Variants in TRIM38 observed in about 807,000 individuals in gnomAD.
TRIM38 encodes tripartite motif containing 38, also known as E3 ubiquitin-protein ligase TRIM38.
Under a neutral mutation model 35.8 loss-of-function variants are expected in TRIM38, and 35 were observed. The ratio of observed to expected loss-of-function variants is 0.98; its 90% CI spans 0.75 to 1.30. The LOEUF is 1.30. TRIM38 is among the 50% of genes most tolerant of loss of function. The probability of loss-of-function intolerance (pLI) is 0.00; values close to 1 mark genes in which losing one functional copy is unlikely to be tolerated. For missense variants in TRIM38, 545 were observed against 556.9 expected (o/e 0.98, Z 0.21); for synonymous variants, 198 against 204.7 (o/e 0.97, Z 0.28).
In TRIM38 at chr6:25,966,882, G is replaced by A. The variant is rs1430681689; in HGVS notation, c.360G>A (p.Gln120=). 1 of 1,614,110 alleles carries A rather than the reference G, an allele frequency of 6.2e-7. No individual in the cohort carries two copies. Among genetic ancestry groups the A allele is most frequent in the Admixed American group, 1.7e-5 (1 of 60,022 alleles). Residue 120 remains glutamine, a synonymous_variant, in exon 3 of 8, where the codon CAG becomes CAA. Coordinates refer to ENST00000357085, the MANE Select transcript of TRIM38 (RefSeq NM_006355.5). ...GCTGGCGCTGTGAGCGGGCACCACAGCACAAAGGGCACACCACAGCTCTTG... is the reference window on the plus strand; with the variant it reads ...GCTGGCGCTGTGAGCGGGCACCACAACACAAAGGGCACACCACAGCTCTTG... ...LICWRCERAP[Q]HKGHTTALVE... is the part of the protein sequence containing the mutation.
At chr6:25,981,468 A>C (rs1760542207) in intron 7 of TRIM38, among the ~76,000 whole-genome samples, 1 of 152,236 alleles carries the variant, frequency 6.6e-6, no homozygotes. Flanking sequence ...ACTCAGTAGC[A>C]CAGTGGTTTC....
In TRIM38 at chr6:25,974,048, G is replaced by A. The variant is rs1420964408; in HGVS notation, c.874+763G>A. On this transcript the variant is annotated intron_variant, in intron 7 of 7. Coordinates refer to ENST00000357085, the MANE Select transcript of TRIM38 (RefSeq NM_006355.5). ...AGTACAAACAAATTACCATAATTTA[G>A]AACCTTAATACAACACTGATATGTT... 3 of 200,706 alleles carry A rather than the reference G, an allele frequency of 1.5e-5. No homozygotes were observed. In the East Asian group the frequency reaches 5.6e-4, roughly 37 times the overall value. The allele number at this position is 200,706 out of a possible 1,614,324, so 12.4% of individuals were successfully genotyped here. A position where few individuals can be genotyped will look rare whatever the true frequency, so the allele number is the denominator to read the frequency against.
At chr6:25,971,805 C>G in intron 4 of TRIM38, 64 bp from the exon 5 acceptor site, 1 of 1,355,306 alleles carries the variant, frequency 7.4e-7, no homozygotes, top group Non-Finnish European at 1.0e-6. Flanking sequence ...TCTTGTTTAT[C>G]CATTCATCCA....
At position 25,971,961 on chromosome 6, in the gene TRIM38, G is replaced by T. The variant is rs781065867; in HGVS notation, c.600G>T (p.Arg200Ser). 5 of 1,614,006 alleles carry T rather than the reference G, an allele frequency of 3.1e-6. No individual in the cohort carries two copies. The highest frequency in any genetic ancestry group is 2.7e-5 in the African/African-American group (2 of 74,908). The change falls in exon 5 of 8, where the codon AGG becomes AGT. Residue 200 changes from arginine (R) to serine (S), a missense_variant. By Grantham distance (110) the Arg-to-Ser change is moderately radical. Transcript: ENST00000357085. Reference sequence around the variant, plus strand: ...AGGAAGAGAAGTCTTATCTCTGGAGGCTGGAGAAAGAAGAACAACAGACTC... The same window carrying T: ...AGGAAGAGAAGTCTTATCTCTGGAGTCTGGAGAAAGAAGAACAACAGACTC... ...LHEEEKSYLW[R>S]LEKEEQQTLS...
chr6:25,969,384 G>T lies in TRIM38; in HGVS notation c.471G>T (p.Gln157His). 1 of 1,612,592 alleles carries T rather than the reference G, an allele frequency of 6.2e-7. No individual in the cohort carries two copies. Among genetic ancestry groups the T allele is most frequent in the Non-Finnish European group, 8.5e-7 (1 of 1,179,302 alleles). ...AACTTGAAGACAGATGTACGGAGCA[G>T]AAGCTGTCCACAGCAATGCGAATAA... ...LKQLEDRCTE[Q>H]KLSTAMRITK... Residue 157 changes from glutamine (Q) to histidine (H), a missense_variant, in exon 4 of 8, where the codon CAG becomes CAT. By Grantham distance (24) the Gln-to-His change is conservative. Coordinates refer to ENST00000357085, the MANE Select transcript of TRIM38 (RefSeq NM_006355.5).
intron 7 of TRIM38, among the ~76,000 whole-genome samples, chr6:25,982,225 CT>C (rs2113619271): frequency 6.6e-6 from 1 of 152,258 alleles, no homozygotes; most frequent in African/African-American, 2.4e-5. Flanking sequence ...TTGTTGGTTC[CT>C]TGCTTTTCAC....
intron 4 of TRIM38, among the ~76,000 whole-genome samples, chr6:25,969,912 T>G (rs891632093): frequency 6.6e-6 from 1 of 152,106 alleles, no homozygotes; most frequent in Non-Finnish European, 1.5e-5. Context: ...GAAATATACT[T>G]TATTTATTTA....
intron 7 of TRIM38, among the ~76,000 whole-genome samples, chr6:25,978,866 C>T (rs1408526701): frequency 6.6e-6 from 1 of 152,004 alleles, no homozygotes; most frequent in African/African-American, 2.4e-5. Context: ...TGGAATTTGG[C>T]CATATTGACC....
At chr6:25,968,512 A>C (rs1344925987) in intron 3 of TRIM38, among the ~76,000 whole-genome samples, 1 of 152,222 alleles carries the variant, frequency 6.6e-6, no homozygotes, top group South Asian at 2.1e-4. Flanking sequence ...AATGCATAGA[A>C]TAGCACTTGG....
At chr6:25,966,162 T>C (rs1760034670) in intron 2 of TRIM38, among the ~76,000 whole-genome samples, 173 bp from the exon 3 acceptor site, 1 of 152,190 alleles carries the variant, frequency 6.6e-6, no homozygotes, top group Non-Finnish European at 1.5e-5. Flanking sequence ...AAGCTTATGC[T>C]ATTTTAATGT....
chr6:25,964,787 A>G (rs1759965679), intron 2 of TRIM38, among the ~76,000 whole-genome samples: 1 of 151,458 alleles, frequency 6.6e-6, no homozygotes, highest in African/African-American at 2.4e-5. Flanking sequence ...ACTACTAATT[A>G]CAAAGAGTAA....
intron 2 of TRIM38, among the ~76,000 whole-genome samples, chr6:25,965,354 T>G (rs967004322): frequency 6.6e-6 from 1 of 152,226 alleles, no homozygotes; most frequent in Non-Finnish European, 1.5e-5. Flanking sequence ...TCATTTTAAT[T>G]TTTATTAAGT....
chr6:25,966,973 C>G (rs776837877), intron 3 of TRIM38, 40 bp downstream of exon 3: 1 of 1,533,944 alleles, frequency 6.5e-7, no homozygotes, highest in Admixed American at 2.0e-5. Flanking sequence ...AGTACCAAGT[C>G]TTATCCTGCT....
intron 3 of TRIM38, among the ~76,000 whole-genome samples, chr6:25,968,104 A>G (rs1236510264): frequency 6.6e-6 from 1 of 152,118 alleles, no homozygotes; most frequent in Non-Finnish European, 1.5e-5. Context: ...TGTCCTGCCT[A>G]AATTTGAGGA....
Position 25,966,940 on chromosome 6 carries a change from G to A in TRIM38, c.411+7G>A. On this transcript the variant is annotated splice_region_variant and intron_variant, in intron 3 of 7. Transcript: ENST00000357085. ...CGTATGCCAGGGCTACAAGGTGAGT[G>A]TGTGGGCCCGGGAGCTTTGGTAAGT... 1 of 1,592,200 alleles carries A rather than the reference G, an allele frequency of 6.3e-7. No homozygotes were observed. Among genetic ancestry groups the A allele is most frequent in the Non-Finnish European group, 8.6e-7 (1 of 1,165,054 alleles).
At position 25,989,292 on chromosome 6, in the gene TRIM38, GTTC is replaced by G; in HGVS notation, c.*5609_*5611del. 6.6e-6 allele frequency: 1 copy of G among 152,170 alleles called. No homozygotes were observed. Among genetic ancestry groups the G allele is most frequent in the East Asian group, 1.9e-4 (1 of 5,188 alleles). The allele number at this position is 152,170 out of a possible 1,614,324, so 9.4% of individuals were successfully genotyped here. A position where few individuals can be genotyped will look rare whatever the true frequency, so the allele number is the denominator to read the frequency against. On this transcript the variant is annotated 3_prime_UTR_variant, in exon 8 of 8. Coordinates refer to ENST00000357085, the MANE Select transcript of TRIM38 (RefSeq NM_006355.5). ...ATTCTTTGTATATTCTAAAAATATT[GTTC>G]TTCATCAGATCTGTCTTTTGCAAAC...
chr6:25,967,545 T>TTTTC (rs1760096721), intron 3 of TRIM38, among the ~76,000 whole-genome samples: 1 of 84,234 alleles, frequency 1.2e-5, no homozygotes, highest in Non-Finnish European at 2.3e-5. Flanking sequence ...TTTTTTTTTT[T>TTTTC]TTTTTCCTGA....
intron 2 of TRIM38, 111 bp downstream of exon 2, chr6:25,963,393 G>C (rs191015375): frequency 9.2e-5 from 13 of 140,652 alleles, no homozygotes; most frequent in Non-Finnish European, 7.8e-5. Flanking sequence ...GGGCGGGCGG[G>C]GGGGAGGGAT....
At chr6:25,974,462 C>T (rs529262416) in intron 7 of TRIM38, among the ~76,000 whole-genome samples, 1 of 152,326 alleles carries the variant, frequency 6.6e-6, no homozygotes, top group East Asian at 1.9e-4. Flanking sequence ...ATCCCATCAT[C>T]TTTGCCATAT....
Sources: gnomAD v4.1 joint callset for allele counts (sites outside exome capture counted in the v4.1 genomes callset) on GRCh38, gnomAD v4.1.1 for gene constraint, MANE v1.5 for transcripts, NCBI Gene and HGNC (gene_info 2026-07-23, HGNC 2026-07-21) for gene names.